Variants in CLTA observed in about 807,000 individuals in gnomAD.
CLTA encodes clathrin, light polypeptide (Lca).
CLTA carries 9 observed loss-of-function variants against 26.9 expected under a neutral mutation model. That is an observed-to-expected ratio of 0.33 (90% confidence interval 0.20 to 0.58). The LOEUF (loss-of-function observed/expected upper bound fraction) is 0.58, where lower values mean the gene tolerates loss of function less well. Ranked by LOEUF, CLTA falls within the 20% of genes least tolerant of loss-of-function variation. The probability of loss-of-function intolerance (pLI) is 0.85; values close to 1 mark genes in which losing one functional copy is unlikely to be tolerated. For synonymous variants in CLTA, 120 were observed against 115.5 expected (o/e 1.04, Z -0.25); for missense variants, 278 against 294.2 (o/e 0.94, Z 0.40).
chr9:36,211,272 G>C (rs1828025684), intron 4 of CLTA, among the ~76,000 whole-genome samples: 1 of 152,210 alleles, frequency 6.6e-6, no homozygotes, highest in Non-Finnish European at 1.5e-5. Flanking sequence ...TCAGCCTGCT[G>C]CTTTGTTCTT....
rs370369745 is a variant in CLTA at position 36,204,074 on chromosome 9, A to G, written c.380A>G (p.Asn127Ser). Residue 127 changes from asparagine (N) to serine (S), a missense_variant, in exon 4 of 5, where the codon AAT becomes AGT. Physicochemically the swap from Asn to Ser is conservative, Grantham distance 46. Transcript: ENST00000345519. ...QMERLEALDA[N>S]SRKQEAEWKE... The stretch of plus-strand genomic sequence containing the variant: ...CTCTTCTCTCCCTTCAAAGATGCCA[A>G]TTCTCGGAAGCAAGAAGCAGAGTGG... The G allele has an allele frequency of 4.3e-5, 70 of 1,613,976 alleles. No homozygotes were observed. The highest frequency in any genetic ancestry group is 3.9e-4 in the African/African-American group (29 of 74,930).
At chr9:36,209,464 C>A in intron 4 of CLTA, 1 of 674,316 alleles carries the variant, frequency 1.5e-6, no homozygotes, top group Admixed American at 2.5e-5. Context: ...AATTGATAAG[C>A]GGGGTATGAT....
In CLTA at chr9:36,191,216, A is replaced by G; in HGVS notation, c.160A>G (p.Ile54Val). The change falls in exon 1 of 5, where the codon ATC becomes GTC. Residue 54 changes from isoleucine to valine, a missense_variant. Physicochemically the swap from Ile to Val is conservative, Grantham distance 29 (BLOSUM62 3). Coordinates refer to ENST00000345519, the MANE Select transcript of CLTA (RefSeq NM_001833.4). The stretch of plus-strand genomic sequence containing the variant: ...CATCGAGAACGACGAGGCCTTCGCC[A>G]TCCTGGACGGCGGCGCCCCCGGGCC... ...AGIENDEAFAILDGGAPGPQP... is the reference protein window; with the variant it reads ...AGIENDEAFAVLDGGAPGPQP... The G allele has an allele frequency of 6.4e-7, 1 of 1,556,762 alleles. No homozygotes were observed. Among genetic ancestry groups the G allele is most frequent in the Non-Finnish European group, 8.7e-7 (1 of 1,155,114 alleles).
chr9:36,209,327 T>C, intron 4 of CLTA: 1 of 1,590,702 alleles, frequency 6.3e-7, no homozygotes, highest in Non-Finnish European at 8.6e-7. Flanking sequence ...ATGTGTATGT[T>C]GCAAAACTAA....
intron 3 of CLTA, among the ~76,000 whole-genome samples, chr9:36,200,933 G>C (rs1174574231): frequency 1.3e-5 from 2 of 152,212 alleles, no homozygotes; most frequent in Non-Finnish European, 2.9e-5. Flanking sequence ...TGTGTCTCTT[G>C]AGTATGCTTA....
chr9:36,199,164 T>C, intron 3 of CLTA, 68 bp downstream of exon 3: 1 of 1,003,874 alleles, frequency 1.0e-6, no homozygotes, highest in Non-Finnish European at 1.6e-6. Context: ...TCTACTTTTA[T>C]TCCTTTTTAG....
intron 4 of CLTA, chr9:36,210,451 G>A (rs781736754): frequency 7.3e-5 from 27 of 371,252 alleles, no homozygotes; most frequent in Non-Finnish European, 9.3e-5. Flanking sequence ...TGGAAAGGTC[G>A]AGTCTGGTTT....
At chr9:36,203,050 C>G (rs1827507907) in intron 3 of CLTA, among the ~76,000 whole-genome samples, 1 of 152,020 alleles carries the variant, frequency 6.6e-6, no homozygotes, top group Admixed American at 6.6e-5. Flanking sequence ...CCAGGCTGGT[C>G]TCGAACTCCT....
At chr9:36,209,123 C>T (rs1827891661) in intron 4 of CLTA, 2 of 961,026 alleles carry the variant, frequency 2.1e-6, no homozygotes, top group African/African-American at 1.6e-5. Context: ...CGCTGGAAGC[C>T]TCACGGGGGT....
chr9:36,196,474 G>C (rs962636003), intron 1 of CLTA, among the ~76,000 whole-genome samples: 1 of 151,370 alleles, frequency 6.6e-6, no homozygotes, highest in Non-Finnish European at 1.5e-5. Flanking sequence ...AGCCTCCTGA[G>C]TAGCTGGGAT....
intron 1 of CLTA, among the ~76,000 whole-genome samples, chr9:36,192,152 C>T (rs536108486): frequency 1.3e-5 from 2 of 152,280 alleles, no homozygotes; most frequent in East Asian, 3.9e-4. Flanking sequence ...AAATGAAATA[C>T]GGCTTTTCAT....
At chr9:36,198,231 C>G (rs1416737635) in intron 2 of CLTA, among the ~76,000 whole-genome samples, 1 of 151,752 alleles carries the variant, frequency 6.6e-6, no homozygotes, top group African/African-American at 2.4e-5. Flanking sequence ...CTCCTGGGCT[C>G]AAGTGACCAT....
chr9:36,194,477 AG>A (rs1406197247), intron 1 of CLTA, among the ~76,000 whole-genome samples: 5 of 152,242 alleles, frequency 3.3e-5, no homozygotes, highest in Non-Finnish European at 5.9e-5. Flanking sequence ...GCTGTATACC[AG>A]GTACACTTTC....
chr9:36,193,668 A>T (rs944255794), intron 1 of CLTA, among the ~76,000 whole-genome samples: 10 of 152,168 alleles, frequency 6.6e-5, no homozygotes, highest in African/African-American at 1.9e-4. Flanking sequence ...TTATACAGAG[A>T]TATATAGGCA....
At chr9:36,191,998 T>C (rs1826759120) in intron 1 of CLTA, among the ~76,000 whole-genome samples, 1 of 152,138 alleles carries the variant, frequency 6.6e-6, no homozygotes, top group Non-Finnish European at 1.5e-5. Flanking sequence ...GAATAGAGAA[T>C]GTTCTCAGCC....
At chr9:36,198,779 A>G (rs1335897943) in intron 2 of CLTA, among the ~76,000 whole-genome samples, 200 bp from the exon 3 acceptor site, 1 of 146,566 alleles carries the variant, frequency 6.8e-6, no homozygotes, top group African/African-American at 2.5e-5. Context: ...AGGCTGAGGC[A>G]GGAGAATTGC....
chr9:36,209,040 A>G (rs1412848942), intron 4 of CLTA, among the ~76,000 whole-genome samples: 3 of 152,230 alleles, frequency 2.0e-5, no homozygotes, highest in Non-Finnish European at 4.4e-5. Context: ...TGAAGTTGGC[A>G]GTGCTTGCTC....
chr9:36,207,303 G>A (rs1451223871), intron 4 of CLTA, among the ~76,000 whole-genome samples: 1 of 152,248 alleles, frequency 6.6e-6, no homozygotes, highest in East Asian at 1.9e-4. Context: ...GCCAGCCAGA[G>A]CAGTGACTGA....
intron 1 of CLTA, among the ~76,000 whole-genome samples, chr9:36,192,600 G>A (rs948798969): frequency 1.3e-5 from 2 of 152,160 alleles, no homozygotes; most frequent in African/African-American, 4.8e-5. Flanking sequence ...TAAGTGATTA[G>A]GGGATATTTT....
Sources: allele counts gnomAD v4.1 joint callset (sites outside exome capture counted in the v4.1 genomes callset), GRCh38; gene constraint gnomAD v4.1.1; transcripts MANE v1.5; gene names NCBI Gene and HGNC (gene_info 2026-07-23, HGNC 2026-07-21).